The following TLK1 variants were observed in gnomAD, a reference collection of about 807,000 sequenced individuals.
TLK1 encodes the protein tousled like kinase 1.
TLK1 carries 24 observed loss-of-function variants against 105.3 expected under a neutral mutation model. The ratio of observed to expected loss-of-function variants is 0.23; its 90% CI spans 0.17 to 0.32. The LOEUF (loss-of-function observed/expected upper bound fraction) is 0.32, where lower values mean the gene tolerates loss of function less well. Ranked by LOEUF, TLK1 falls within the 10% of genes least tolerant of loss-of-function variation. The pLI, the probability that TLK1 is intolerant of heterozygous loss-of-function variation, is 1.00. For synonymous variants in TLK1, 321 were observed against 310.4 expected (o/e 1.03, Z -0.36); for missense variants, 558 against 910.5 (o/e 0.61, Z 4.98).
chr2:171,195,139 C>T (rs1220207016), intron 1 of TLK1, among the ~76,000 whole-genome samples: 1 of 152,170 alleles, frequency 6.6e-6, no homozygotes, highest in African/African-American at 2.4e-5. Context: ...AGATGTGAAA[C>T]ACTCTTCACA....
At chr2:171,110,055 G>T (rs1690093993) in intron 2 of TLK1, among the ~76,000 whole-genome samples, 1 of 152,176 alleles carries the variant, frequency 6.6e-6, no homozygotes, top group African/African-American at 2.4e-5. Flanking sequence ...ATTTTGTTTT[G>T]TGTGGTATTT....
rs546100088 is a variant in TLK1, at chr2:171,107,784, C to T, written c.258+9955G>A. On this transcript the variant is annotated intron_variant, in intron 2 of 20. Transcript: ENST00000431350. The stretch of plus-strand genomic sequence containing the variant: ...AGAATAAAAAAAGGAGCTGGCCAGG[C>T]GCAGTGGCTCAGGCCTGTAATTCCA... Among the ~76,000 whole-genome samples, 5 of 152,154 alleles carry T rather than the reference C, an allele frequency of 3.3e-5. No individual in the cohort carries two copies. In the South Asian group the frequency reaches 1.0e-3, roughly 32 times the overall value.
At chr2:171,210,011 T>A (rs566502184) in intron 1 of TLK1, among the ~76,000 whole-genome samples, 1 of 152,324 alleles carries the variant, frequency 6.6e-6, no homozygotes, top group African/African-American at 2.4e-5. Flanking sequence ...AATGCCTGTT[T>A]TGTACCTCCT....
chr2:171,182,935 A>AAAAAGAAAG (rs1553487148), intron 1 of TLK1, among the ~76,000 whole-genome samples: 1 of 128,838 alleles, frequency 7.8e-6, no homozygotes, highest in East Asian at 2.2e-4. Context: ...AAAAAAAAAA[A>AAAAAGAAAG]AAAGAAAGAA....
intron 1 of TLK1, among the ~76,000 whole-genome samples, chr2:171,126,722 A>C (rs1393113405): frequency 6.6e-6 from 1 of 151,980 alleles, no homozygotes; most frequent in Non-Finnish European, 1.5e-5. Context: ...AAACTTCCTG[A>C]AGTCTAAAAA....
intron 11 of TLK1, among the ~76,000 whole-genome samples, chr2:171,037,660 T>C (rs954175169): frequency 4.6e-5 from 7 of 152,178 alleles, no homozygotes; most frequent in Non-Finnish European, 8.8e-5. Flanking sequence ...TGAAAAGTTA[T>C]ATATATTTTT....
At chr2:171,143,034 T>C (rs796894974) in intron 1 of TLK1, among the ~76,000 whole-genome samples, 6 of 152,224 alleles carry the variant, frequency 3.9e-5, no homozygotes, top group African/African-American at 1.2e-4. Flanking sequence ...GCCAAGATCA[T>C]GCCACTACTC....
chr2:171,002,137 A>T (rs1424722913), intron 18 of TLK1, among the ~76,000 whole-genome samples: 2 of 152,096 alleles, frequency 1.3e-5, no homozygotes, highest in Non-Finnish European at 2.9e-5. Flanking sequence ...TTCTCCTGTT[A>T]TCTTGACATT....
In TLK1 at chr2:171,121,847, A is replaced by C. The variant is rs559333418; in HGVS notation, c.140-3990T>G. 6.6e-5 allele frequency among the ~76,000 whole-genome samples: 10 copies of C among 152,302 alleles called. 1 individual carries two copies. The South Asian group carries it at 2.1e-3, about 32-fold the overall frequency. ...CTCTAGGACCTCAACCCTCTTCATGAGGTCTTACAGGAAATTAGGCACCCA... is the reference window on the plus strand; with the variant it reads ...CTCTAGGACCTCAACCCTCTTCATGCGGTCTTACAGGAAATTAGGCACCCA... On this transcript the variant is annotated intron_variant, in intron 1 of 20. Transcript: ENST00000431350.
At chr2:171,181,232 A>G (rs1274521622) in intron 1 of TLK1, among the ~76,000 whole-genome samples, 1 of 152,224 alleles carries the variant, frequency 6.6e-6, no homozygotes, top group Non-Finnish European at 1.5e-5. Flanking sequence ...CACACTCACA[A>G]GTGAAACAGT....
intron 2 of TLK1, among the ~76,000 whole-genome samples, chr2:171,115,248 C>T (rs1041863324): frequency 2.0e-5 from 3 of 147,048 alleles, no homozygotes; most frequent in Admixed American, 6.9e-5. Flanking sequence ...CTTGGCTCAC[C>T]GCAACCTCCG....
At chr2:171,148,879 T>TAAAAAAAAAAA (rs745504391) in intron 1 of TLK1, among the ~76,000 whole-genome samples, 1 of 103,950 alleles carries the variant, frequency 9.6e-6, no homozygotes, top group African/African-American at 4.5e-5. Flanking sequence ...GACTCTGTCT[T>TAAAAAAAAAAA]AAAAAAAAAA....
chr2:171,041,542 C>T (rs966987487), intron 11 of TLK1, among the ~76,000 whole-genome samples: 12 of 152,336 alleles, frequency 7.9e-5, no homozygotes, highest in African/African-American at 2.6e-4. Flanking sequence ...GTCAGACCAG[C>T]AGTGGCATTA....
At chr2:171,046,508 T>A in intron 10 of TLK1, 146 bp from the exon 11 acceptor site, 1 of 856,060 alleles carries the variant, frequency 1.2e-6, no homozygotes, top group Non-Finnish European at 1.7e-6. Context: ...AATTTGTACT[T>A]ATCCTTCAGG....
At chr2:170,997,077 G>C (rs912907380) in intron 19 of TLK1, among the ~76,000 whole-genome samples, 1 of 152,214 alleles carries the variant, frequency 6.6e-6, no homozygotes, top group East Asian at 1.9e-4. Flanking sequence ...AGTTAGAGAA[G>C]AGATGAAGTA....
At chr2:171,074,904 G>A (rs561034323) in intron 3 of TLK1, among the ~76,000 whole-genome samples, 2 of 151,992 alleles carry the variant, frequency 1.3e-5, no homozygotes, top group Admixed American at 1.3e-4. Flanking sequence ...CAAAAGCAAG[G>A]TAATTTATTC....
intron 2 of TLK1, among the ~76,000 whole-genome samples, chr2:171,096,443 G>C (rs9711629): frequency 0.99 from 150,369 of 152,270 alleles, 74,279 homozygotes; most frequent in East Asian, 1. Context: ...ATTTACAATA[G>C]CATAAAAAAA....
chr2:171,123,138 G>C (rs757314774), intron 1 of TLK1, among the ~76,000 whole-genome samples: 5 of 151,526 alleles, frequency 3.3e-5, no homozygotes, highest in African/African-American at 9.7e-5. Flanking sequence ...TTCTTTTTGA[G>C]AAGATAGCAC....
chr2:171,009,070 G>A (rs992499453), intron 14 of TLK1, among the ~76,000 whole-genome samples: 1 of 152,122 alleles, frequency 6.6e-6, no homozygotes, highest in Non-Finnish European at 1.5e-5. Flanking sequence ...TAGAATCAGA[G>A]AAACAGGAAT....
Sources: allele counts gnomAD v4.1 joint callset (sites outside exome capture counted in the v4.1 genomes callset), GRCh38; gene constraint gnomAD v4.1.1; transcripts MANE v1.5; gene names NCBI Gene and HGNC (gene_info 2026-07-23, HGNC 2026-07-21).